Variants in IQSEC1 observed in about 807,000 individuals in gnomAD.
IQSEC1 encodes the protein IQ motif and Sec7 domain ArfGEF 1.
IQSEC1 carries 31 observed loss-of-function variants against 91.0 expected under a neutral mutation model. That is an observed-to-expected ratio of 0.34 (90% CI 0.26 to 0.46). The LOEUF (loss-of-function observed/expected upper bound fraction) is 0.46. IQSEC1 is among the 20% of genes least tolerant of loss of function. IQSEC1 has a pLI of 1.00. For synonymous variants in IQSEC1, 699 were observed against 662.6 expected (o/e 1.05, Z -0.84); for missense variants, 1,388 against 1,575.6 (o/e 0.88, Z 2.02).
chr3:13,201,665 A>G (rs1694249271), intron 1 of IQSEC1, among the ~76,000 whole-genome samples: 1 of 152,188 alleles, frequency 6.6e-6, no homozygotes, highest in Non-Finnish European at 1.5e-5. Flanking sequence ...TTCATATGCA[A>G]AGAGTAGACC....
rs151029848 is a variant in IQSEC1 at position 12,979,017 on chromosome 3, G to A, written c.24-37152C>T. Among the ~76,000 whole-genome samples the A allele has an allele frequency of 3.2e-4, 49 of 152,336 alleles. No homozygotes were observed. The highest frequency in any genetic ancestry group is 1.9e-3 in the East Asian group (10 of 5,194). ...CATGGGGCATGAAGTGTGGGGATGG[G>A]TGCGCTGTGGGGCATGAGGCCAGTG... On this transcript the variant is annotated intron_variant, in intron 1 of 13. Transcript: ENST00000613206. The surrounding 1 kb of genome is among the most constrained non-coding windows in gnomAD (Gnocchi z 4.3).
chr3:13,180,706 C>A (rs1366939343), intron 1 of IQSEC1, among the ~76,000 whole-genome samples: 3 of 144,742 alleles, frequency 2.1e-5, no homozygotes, highest in African/African-American at 8.7e-5. Context: ...ACTCCTGAAG[C>A]CAGCGAGCTC....
rs530561632 is a variant in IQSEC1, at chr3:13,212,534, A to G, written c.273-48401T>C. ...CATCTCTCCTGGGTAGAGGCCCTGG[A>G]GTGGAATTGCCGGGTCACAGGGTAA... On this transcript the variant is annotated intron_variant, in intron 1 of 15. Coordinates refer to the IQSEC1 transcript ENST00000648114. 6.0e-4 allele frequency among the ~76,000 whole-genome samples: 91 copies of G among 152,354 alleles called. 1 individual carries two copies. The highest frequency in any genetic ancestry group is 3.4e-3 in the Middle Eastern group (1 of 294).
upstream of IQSEC1, among the ~76,000 whole-genome samples, chr3:13,077,214 G>T (rs556913236): frequency 1.3e-5 from 2 of 151,972 alleles, no homozygotes; most frequent in African/African-American, 2.4e-5. Flanking sequence ...TTTAATAAAA[G>T]ATTTAAAATG....
At chr3:12,957,569 G>C (rs1191097899) in intron 1 of IQSEC1, among the ~76,000 whole-genome samples, 2 of 152,226 alleles carry the variant, frequency 1.3e-5, no homozygotes, top group African/African-American at 4.8e-5. Flanking sequence ...GGGCCCCAGG[G>C]ACACCCCAGG....
chr3:13,186,567 CTG>C (rs1023152032), intron 1 of IQSEC1, among the ~76,000 whole-genome samples: 5 of 152,244 alleles, frequency 3.3e-5, no homozygotes, highest in Admixed American at 6.5e-5. Context: ...GCCTGCCAGT[CTG>C]TGAGGACCGC....
Position 12,915,680 on chromosome 3 carries a change from G to C in IQSEC1, c.2074C>G (p.Arg692Gly), listed in dbSNP as rs762188644. 3 of 1,613,990 alleles carry C rather than the reference G, an allele frequency of 1.9e-6. No individual in the cohort carries two copies. The highest frequency in any genetic ancestry group is 1.7e-5 in the Admixed American group (1 of 60,004). The change falls in exon 7 of 14, where the codon CGG becomes GGG. Residue 692 changes from arginine to glycine, a missense_variant. Transcript: ENST00000613206. ...GTCTTTAGCTCTCGCTTACGGATCC[G>C]TTCATAGATCCCCATCAGCATCTCA... ...PREMLMGIYE[R>G]IRKRELKTNE...
rs73134157 is a variant in IQSEC1, at chr3:13,220,614, G to A, written c.273-56481C>T. Reference sequence around the variant, plus strand: ...CTAGCCTATTTCCTGGTCGGGACAAGGTCAGCCTCACGGCCATCGCTGACT... The same window carrying A: ...CTAGCCTATTTCCTGGTCGGGACAAAGTCAGCCTCACGGCCATCGCTGACT... On this transcript the variant is annotated intron_variant, in intron 1 of 15. Coordinates refer to the IQSEC1 transcript ENST00000648114. Among the ~76,000 whole-genome samples, 424 of 152,356 alleles carry A rather than the reference G, an allele frequency of 2.8e-3. 1 individual carries two copies. Among genetic ancestry groups the A allele is most frequent in the African/African-American group, 9.5e-3 (396 of 41,574 alleles).
intron 1 of IQSEC1, among the ~76,000 whole-genome samples, chr3:13,269,788 C>A (rs939652199): frequency 1.3e-5 from 2 of 152,236 alleles, no homozygotes; most frequent in African/African-American, 4.8e-5. Flanking sequence ...CTGAGCAAAC[C>A]AAATGTGGGA....
chr3:13,174,860 GTC>G (rs1362421806), intron 1 of IQSEC1, among the ~76,000 whole-genome samples: 1 of 125,130 alleles, frequency 8.0e-6, no homozygotes, highest in East Asian at 2.2e-4. Flanking sequence ...TCCCACCACT[GTC>G]TCTCTCGCCC....
chr3:13,041,202 G>C (rs543520564), intron 1 of IQSEC1, among the ~76,000 whole-genome samples: 1 of 131,428 alleles, frequency 7.6e-6, no homozygotes, highest in African/African-American at 2.6e-5. Context: ...TCCTGAGGCC[G>C]CATGAACAAG....
At chr3:12,902,444 C>T (rs897861296) in intron 13 of IQSEC1, among the ~76,000 whole-genome samples, 5 of 151,910 alleles carry the variant, frequency 3.3e-5, no homozygotes, top group African/African-American at 1.2e-4. Context: ...GTCAACCATG[C>T]TCAGGGACCA....
intron 1 of IQSEC1, among the ~76,000 whole-genome samples, chr3:13,179,868 A>G (rs582137): frequency 0.39 from 59,532 of 152,120 alleles, 11,921 homozygotes; most frequent in Middle Eastern, 0.42. Context: ...TGGCCCCGCC[A>G]GCCCCGGGCA....
At position 13,042,155 on chromosome 3, in the gene IQSEC1, G is replaced by C. The variant is rs547081276; in HGVS notation, c.23+30837C>G. On this transcript the variant is annotated intron_variant, in intron 1 of 13. Transcript: ENST00000613206. ...AAAGTGAACCACGACAAACGCTGCT[G>C]CTGGTCTTGGCCAGTGACGGGGACC... is the stretch of plus-strand genomic sequence containing the variant. 3.3e-5 allele frequency: 5 copies of C among 152,414 alleles called. No individual in the cohort carries two copies. The East Asian group carries it at 7.7e-4, about 24-fold the overall frequency. The allele number at this position is 152,414 out of a possible 1,614,324, so 9.4% of individuals were successfully genotyped here. A position where few individuals can be genotyped will look rare whatever the true frequency, so the allele number is the denominator to read the frequency against.
intron 2 of IQSEC1, among the ~76,000 whole-genome samples, chr3:13,109,082 A>C (rs1233194054): frequency 3.9e-5 from 6 of 152,146 alleles, no homozygotes; most frequent in Non-Finnish European, 5.9e-5. Context: ...CCAACATGGA[A>C]GGGGATGGCC....
At chr3:13,085,399 G>T (rs1705717977) in intron 2 of IQSEC1, among the ~76,000 whole-genome samples, 1 of 152,182 alleles carries the variant, frequency 6.6e-6, no homozygotes, top group Non-Finnish European at 1.5e-5. Flanking sequence ...GTCACGTGGA[G>T]GGCGGGGCTT....
intron 1 of IQSEC1, among the ~76,000 whole-genome samples, chr3:13,173,689 A>G (rs1693662886): frequency 6.6e-6 from 1 of 152,224 alleles, no homozygotes; most frequent in African/African-American, 2.4e-5. Flanking sequence ...GCTGGCAACA[A>G]AAGTAGGTAG....
At chr3:12,904,004 G>A (rs1559600827) in intron 12 of IQSEC1, among the ~76,000 whole-genome samples, 1 of 131,480 alleles carries the variant, frequency 7.6e-6, no homozygotes, top group Admixed American at 7.0e-5. Context: ...CTGGACCCTA[G>A]GCCGGGTTGG....
intron 1 of IQSEC1, among the ~76,000 whole-genome samples, chr3:12,978,472 G>A (rs1368975680): frequency 6.6e-6 from 1 of 152,154 alleles, no homozygotes; most frequent in African/African-American, 2.4e-5. Flanking sequence ...ACTGAGGCGG[G>A]CGGATCACAT....
Sources: allele counts gnomAD v4.1 joint callset (sites outside exome capture counted in the v4.1 genomes callset), GRCh38; gene constraint gnomAD v4.1.1; non-coding constraint Gnocchi (gnomAD v3.1); transcripts MANE v1.5; gene names NCBI Gene and HGNC (gene_info 2026-07-23, HGNC 2026-07-21).